The following DIP2B variants were observed in gnomAD, a reference collection of about 807,000 sequenced individuals.
DIP2B encodes the protein DIP2 acetate--CoA ligase B (putative).
Under a neutral mutation model 198.0 loss-of-function variants are expected in DIP2B, and 76 were observed. The ratio of observed to expected loss-of-function variants is 0.38; its 90% confidence interval spans 0.32 to 0.46. DIP2B has a LOEUF of 0.46. Ranked by LOEUF, DIP2B falls within the 20% of genes least tolerant of loss-of-function variation. DIP2B has a pLI of 0.99. For synonymous variants in DIP2B, 701 were observed against 739.1 expected (o/e 0.95, Z 0.84); for missense variants, 1,559 against 1,978.4 (o/e 0.79, Z 4.02).
At chr12:50,704,575 T>C (rs1939480204) in intron 20 of DIP2B, among the ~76,000 whole-genome samples, 2 of 152,356 alleles carry the variant, frequency 1.3e-5, no homozygotes, top group African/African-American at 4.8e-5. Context: ...GAAAAAGTTA[T>C]CTTCAGTAGC....
intron 1 of DIP2B, among the ~76,000 whole-genome samples, chr12:50,534,411 C>T (rs896763684): frequency 2.5e-5 from 3 of 120,270 alleles, no homozygotes; most frequent in East Asian, 2.3e-4. Context: ...CTCACTGTGT[C>T]GCCCAGACTG....
At chr12:50,673,446 T>C (rs1938890035) in intron 5 of DIP2B, among the ~76,000 whole-genome samples, 1 of 152,232 alleles carries the variant, frequency 6.6e-6, no homozygotes, top group African/African-American at 2.4e-5. Context: ...TACGTGTCCC[T>C]GTTGAACAGG....
chr12:50,535,220 T>G (rs917061757), intron 1 of DIP2B, among the ~76,000 whole-genome samples: 23 of 152,024 alleles, frequency 1.5e-4, no homozygotes, highest in African/African-American at 5.3e-4. Context: ...AGACAGAGTG[T>G]GAGCCTATCT....
intron 2 of DIP2B, among the ~76,000 whole-genome samples, chr12:50,631,901 T>C (rs1192690355): frequency 1.3e-5 from 2 of 152,176 alleles, no homozygotes; most frequent in South Asian, 2.1e-4. Flanking sequence ...ATTTATGTTA[T>C]ATACATTCCA....
chr12:50,724,200 G>A (rs982345493), intron 27 of DIP2B, among the ~76,000 whole-genome samples: 1 of 152,194 alleles, frequency 6.6e-6, no homozygotes. Flanking sequence ...TACAAAGTGG[G>A]CCAGAAAAGC....
At chr12:50,681,219 CCAGGAGTTTTA>C (rs1021702886) in intron 9 of DIP2B, among the ~76,000 whole-genome samples, 11 of 152,072 alleles carry the variant, frequency 7.2e-5, no homozygotes, top group African/African-American at 2.4e-4. Context: ...TCACTTGAAG[CCAGGAGTTTTA>C]GACCAGCCTG....
chr12:50,626,603 T>C (rs1354504513), intron 2 of DIP2B, among the ~76,000 whole-genome samples: 1 of 152,188 alleles, frequency 6.6e-6, no homozygotes, highest in African/African-American at 2.4e-5. Context: ...AGCAAGGCTG[T>C]CTCTAAATAA....
chr12:50,525,429 T>C (rs189648049), intron 1 of DIP2B, among the ~76,000 whole-genome samples: 8 of 151,184 alleles, frequency 5.3e-5, no homozygotes, highest in Admixed American at 5.3e-4. Context: ...AGGGTGGTCA[T>C]CATGAGATGA....
At chr12:50,612,100 A>G (rs925822212) in intron 1 of DIP2B, among the ~76,000 whole-genome samples, 2 of 151,812 alleles carry the variant, frequency 1.3e-5, no homozygotes, top group Non-Finnish European at 2.9e-5. Context: ...GTGGTACCCC[A>G]TCTCTACAAA....
At chr12:50,695,382 G>C in intron 15 of DIP2B, 22 bp downstream of exon 15, 1 of 1,585,360 alleles carries the variant, frequency 6.3e-7, no homozygotes, top group Non-Finnish European at 8.6e-7. Flanking sequence ...CAACATCTGA[G>C]CTTTAATTAT....
chr12:50,743,242 C>T (rs1940286637), intron 37 of DIP2B, among the ~76,000 whole-genome samples: 1 of 152,060 alleles, frequency 6.6e-6, no homozygotes, highest in Non-Finnish European at 1.5e-5. Context: ...TCAACCATGC[C>T]CGGCTAATTT....
intron 1 of DIP2B, among the ~76,000 whole-genome samples, chr12:50,530,545 G>T (rs1407349806): frequency 6.6e-6 from 1 of 152,172 alleles, no homozygotes; most frequent in Non-Finnish European, 1.5e-5. Context: ...ACAACCAAGT[G>T]ATACTATTTA....
chr12:50,684,555 G>A (rs1185918456), intron 10 of DIP2B, among the ~76,000 whole-genome samples: 1 of 152,196 alleles, frequency 6.6e-6, no homozygotes, highest in African/African-American at 2.4e-5. Flanking sequence ...ACTTTGGGAG[G>A]CCGAGGTGGG....
intron 2 of DIP2B, among the ~76,000 whole-genome samples, chr12:50,634,420 A>G (rs1460735204): frequency 1.3e-5 from 2 of 152,220 alleles, no homozygotes; most frequent in Non-Finnish European, 2.9e-5. Flanking sequence ...GCTTTAATAG[A>G]AAAAGAGTTC....
intron 29 of DIP2B, 37 bp from the exon 30 acceptor site, chr12:50,728,511 A>G (rs548391074): frequency 1.3e-6 from 2 of 1,595,548 alleles, no homozygotes; most frequent in South Asian, 2.3e-5. Context: ...CCTGTGGGAT[A>G]ACAGTCCCAG....
intron 10 of DIP2B, among the ~76,000 whole-genome samples, chr12:50,683,621 A>T (rs1202923855): frequency 6.6e-6 from 1 of 152,032 alleles, no homozygotes; most frequent in Non-Finnish European, 1.5e-5. Flanking sequence ...CTCTACTAAA[A>T]AATACAAAAA....
chr12:50,589,539 G>T (rs1313139427), intron 1 of DIP2B, among the ~76,000 whole-genome samples: 1 of 152,112 alleles, frequency 6.6e-6, no homozygotes, highest in Non-Finnish European at 1.5e-5. Context: ...TGACATTTGA[G>T]CTGAGACATG....
intron 1 of DIP2B, among the ~76,000 whole-genome samples, chr12:50,562,508 G>A (rs1210911697): frequency 6.6e-6 from 1 of 152,120 alleles, no homozygotes; most frequent in African/African-American, 2.4e-5. Context: ...ACCGAGGGCA[G>A]TGGATTGCTT....
intron 1 of DIP2B, among the ~76,000 whole-genome samples, chr12:50,568,113 G>A (rs546937278): frequency 6.6e-6 from 1 of 152,142 alleles, no homozygotes; most frequent in African/African-American, 2.4e-5. Context: ...TCAGTTCTCA[G>A]TGTTTGCTCT....
Sources: allele counts gnomAD v4.1 joint callset (sites outside exome capture counted in the v4.1 genomes callset), GRCh38; gene constraint gnomAD v4.1.1; transcripts MANE v1.5; gene names NCBI Gene and HGNC (gene_info 2026-07-23, HGNC 2026-07-21).